DCAF4: variants seen among roughly 807,000 people sequenced by gnomAD.
DCAF4 encodes DDB1 and CUL4 associated factor 4, also known as DDB1- and CUL4-associated factor 4.
Under a neutral mutation model 60.9 loss-of-function variants are expected in DCAF4, and 37 were observed. The observed-to-expected ratio is 0.61, with a 90% confidence interval of 0.47 to 0.80. The LOEUF (loss-of-function observed/expected upper bound fraction) is 0.80, where lower values mean the gene tolerates loss of function less well. Among genes scored for constraint, DCAF4 ranks in the 30% least tolerant of loss-of-function variants. The pLI, the probability that DCAF4 is intolerant of heterozygous loss-of-function variation, is 0.00. For missense variants in DCAF4, 577 were observed against 650.0 expected, an observed-to-expected ratio of 0.89 and a Z score of 1.22; for synonymous variants, 243 against 254.8, an observed-to-expected ratio of 0.95 and a Z score of 0.44.
At chr14:72,944,417 T>C (rs1484290620) in intron 6 of DCAF4, among the ~76,000 whole-genome samples, 1 of 152,232 alleles carries the variant, frequency 6.6e-6, no homozygotes, top group Non-Finnish European at 1.5e-5. Context: ...TATTAATATA[T>C]ACAAAACACA....
chr14:72,937,560 A>G (rs1188201144), intron 1 of DCAF4, among the ~76,000 whole-genome samples: 1 of 151,928 alleles, frequency 6.6e-6, no homozygotes, highest in Non-Finnish European at 1.5e-5. Flanking sequence ...AGCTGGGATT[A>G]CAGGTGCACG....
chr14:72,942,657 C>T (rs966690907), intron 5 of DCAF4: 4 of 226,722 alleles, frequency 1.8e-5, no homozygotes, highest in Non-Finnish European at 3.5e-5. Context: ...TTCCCAGCAG[C>T]GGAGTGCCCT....
rs1178519984 is a variant in DCAF4 at position 72,942,978 on chromosome 14, C to T, written c.432-16C>T. 1.2e-6 allele frequency: 2 copies of T among 1,613,194 alleles called. No homozygotes were observed. The highest frequency in any genetic ancestry group is 3.3e-5 in the Admixed American group (2 of 59,986). ...GTCAGCTTCAGCATCCATGCCCCCA[C>T]CCTCTGTTTCTGCAGTTTAGCCCAC... On this transcript the variant is annotated splice_polypyrimidine_tract_variant and intron_variant, in intron 5 of 13. Coordinates refer to ENST00000358377, the MANE Select transcript of DCAF4 (RefSeq NM_015604.4).
chr14:72,955,599 G>A lies in DCAF4; in HGVS notation c.1082G>A (p.Gly361Glu), dbSNP rs769474385. 3.1e-6 allele frequency: 5 copies of A among 1,614,088 alleles called. No homozygotes were observed. The highest frequency in any genetic ancestry group is 4.2e-6 in the Non-Finnish European group (5 of 1,180,038). ...IDLRCGNQGK[G>E]WKATRLFHDS... is the part of the protein sequence containing the mutation. ...CTGCGTTGTGGAAATCAAGGCAAGG[G>A]ATGGAAGGCCACCCGCCTGTTTCAT... Residue 361 changes from glycine (G) to glutamate (E), a missense_variant, in exon 12 of 14, where the codon GGA (glycine) becomes GAA (glutamate). Gly to Glu is a moderately conservative substitution (Grantham distance 98). Coordinates refer to ENST00000358377, the MANE Select transcript of DCAF4 (RefSeq NM_015604.4).
intron 8 of DCAF4, among the ~76,000 whole-genome samples, chr14:72,950,832 C>G: frequency 6.6e-6 from 1 of 151,722 alleles, no homozygotes; most frequent in Non-Finnish European, 1.5e-5. Context: ...ACAAAAGCTG[C>G]TTTGTGTTAT....
At chr14:72,932,122 G>A (rs1007745643) in intron 1 of DCAF4, among the ~76,000 whole-genome samples, 1 of 151,814 alleles carries the variant, frequency 6.6e-6, no homozygotes, top group Non-Finnish European at 1.5e-5. Flanking sequence ...CCAAGTAGCT[G>A]AGACTACAGG....
chr14:72,955,764 T>C, intron 12 of DCAF4, 68 bp downstream of exon 12: 2 of 1,462,588 alleles, frequency 1.4e-6, no homozygotes, highest in Non-Finnish European at 1.9e-6. Flanking sequence ...GTGAAAGGGT[T>C]CTGCTGAAGA....
At chr14:72,945,063 T>C (rs2140256049) in intron 6 of DCAF4, among the ~76,000 whole-genome samples, 1 of 151,946 alleles carries the variant, frequency 6.6e-6, no homozygotes, top group African/African-American at 2.4e-5. Flanking sequence ...TACTTCAGCC[T>C]GGGCGACAGA....
intron 1 of DCAF4, among the ~76,000 whole-genome samples, chr14:72,931,164 A>C (rs757215242): frequency 6.6e-6 from 1 of 151,526 alleles, no homozygotes; most frequent in Non-Finnish European, 1.5e-5. Context: ...TTTGATAGGG[A>C]TTGCATTCAA....
chr14:72,934,000 C>T (rs1888918950), intron 1 of DCAF4, among the ~76,000 whole-genome samples: 2 of 152,180 alleles, frequency 1.3e-5, no homozygotes, highest in African/African-American at 4.8e-5. Flanking sequence ...CCTTTCTTAG[C>T]AGCTCTAATC....
At chr14:72,952,691 CTTTT>C (rs1215172512) in intron 9 of DCAF4, among the ~76,000 whole-genome samples, 1 of 105,186 alleles carries the variant, frequency 9.5e-6, no homozygotes, top group Admixed American at 1.1e-4. Flanking sequence ...CTTGTCTTGT[CTTTT>C]TTTTTTTTTT....
At chr14:72,933,921 C>T (rs1338911431) in intron 1 of DCAF4, among the ~76,000 whole-genome samples, 1 of 152,168 alleles carries the variant, frequency 6.6e-6, no homozygotes, top group East Asian at 1.9e-4. Flanking sequence ...AATGTGTAAG[C>T]GAGTTCATCT....
At chr14:72,926,941 A>G (rs1420383375) in intron 1 of DCAF4, 3 of 152,424 alleles carry the variant, frequency 2.0e-5, no homozygotes, top group East Asian at 3.9e-4. Context: ...TCAGCATAAC[A>G]GGTTAGGTGT....
chr14:72,941,857 A>G (rs1358985690), intron 5 of DCAF4, 33 bp downstream of exon 5: 1 of 1,598,408 alleles, frequency 6.3e-7, no homozygotes, highest in Non-Finnish European at 8.6e-7. Flanking sequence ...TGTTTTCTTC[A>G]TGAATGTTCT....
At chr14:72,953,782 T>TTGTG (rs149574612) in intron 9 of DCAF4, among the ~76,000 whole-genome samples, 563 of 41,060 alleles carry the variant, frequency 0.014, 25 homozygotes, top group East Asian at 0.064. Context: ...ATTTATTTAT[T>TTGTG]TGTGTGTGTG....
chr14:72,944,354 G>A (rs1190680515), intron 6 of DCAF4, among the ~76,000 whole-genome samples: 1 of 152,144 alleles, frequency 6.6e-6, no homozygotes, highest in Non-Finnish European at 1.5e-5. Context: ...AACTTACAAC[G>A]TTGGTACAGT....
intron 1 of DCAF4, among the ~76,000 whole-genome samples, chr14:72,928,060 C>G (rs7160837): frequency 0.18 from 26,611 of 151,766 alleles, 2,552 homozygotes; most frequent in South Asian, 0.25. Flanking sequence ...CTCAGCCTCC[C>G]AAAGTGCTGG....
At chr14:72,956,830 T>C (rs1410164064) in intron 13 of DCAF4, 5 of 288,056 alleles carry the variant, frequency 1.7e-5, no homozygotes, top group South Asian at 1.3e-4. Context: ...ACCACGCAAC[T>C]ATCTTATCCA....
chr14:72,927,864 T>G (rs1887836972), intron 1 of DCAF4, among the ~76,000 whole-genome samples: 1 of 152,206 alleles, frequency 6.6e-6, no homozygotes, highest in Non-Finnish European at 1.5e-5. Context: ...GAGAAAATTT[T>G]GTTGTTTTTT....
Sources: allele counts gnomAD v4.1 joint callset (sites outside exome capture counted in the v4.1 genomes callset), GRCh38; gene constraint gnomAD v4.1.1; transcripts MANE v1.5; gene names NCBI Gene and HGNC (gene_info 2026-07-23, HGNC 2026-07-21).